PACRG: variants seen among roughly 807,000 people sequenced by gnomAD.
PACRG encodes the protein parkin coregulated gene protein.
In PACRG, 29 loss-of-function variants were observed where a neutral mutation model predicts 29.7. The observed-to-expected ratio is 0.98, with a 90% CI of 0.73 to 1.33. The LOEUF (loss-of-function observed/expected upper bound fraction) is 1.33. PACRG is among the 40% of genes most tolerant of loss of function. The pLI is 0.00. For missense variants in PACRG, 279 were observed against 316.2 expected (o/e 0.88, Z 0.89); for synonymous variants, 116 against 118.7 (o/e 0.98, Z 0.15).
intron 4 of PACRG, among the ~76,000 whole-genome samples, chr6:163,261,254 T>G (rs917489853): frequency 6.6e-6 from 1 of 152,106 alleles, no homozygotes; most frequent in African/African-American, 2.4e-5. Context: ...TTTCTATTTT[T>G]TTAATTTTAC....
Position 162,921,509 on chromosome 6 carries a change from A to G in PACRG, c.291+107228A>G, listed in dbSNP as rs115372296. Among the ~76,000 whole-genome samples, 1,289 of 152,228 alleles carry G rather than the reference A, an allele frequency of 8.5e-3. 29 individuals are homozygous for G. Among genetic ancestry groups the G allele is most frequent in the African/African-American group, 0.029 (1,214 of 41,526 alleles). ...CTCTTCTTGACACTTTTGTTCATCA[A>G]AATTATCCAGGGAACTTTGAAACAT... On this transcript the variant is annotated intron_variant, in intron 2 of 4. Transcript: ENST00000366888.
chr6:162,975,937 G>A (rs1054214796), intron 2 of PACRG, among the ~76,000 whole-genome samples: 2 of 151,982 alleles, frequency 1.3e-5, no homozygotes, highest in Admixed American at 6.6e-5. Flanking sequence ...CTGCCCCCTC[G>A]GAATTTGCAC....
intron 2 of PACRG, among the ~76,000 whole-genome samples, chr6:163,054,395 A>G (rs1810345340): frequency 6.6e-6 from 1 of 152,156 alleles, no homozygotes; most frequent in African/African-American, 2.4e-5. Context: ...GAACTCGAAT[A>G]TGCTGACACC....
chr6:163,119,041 A>C (rs1199057622), intron 4 of PACRG, among the ~76,000 whole-genome samples: 1 of 152,252 alleles, frequency 6.6e-6, no homozygotes, highest in Non-Finnish European at 1.5e-5. Context: ...GACTCTGCTT[A>C]ACCAAAGCCT....
chr6:163,207,366 A>G (rs1780948353), intron 4 of PACRG, among the ~76,000 whole-genome samples: 1 of 152,236 alleles, frequency 6.6e-6, no homozygotes, highest in African/African-American at 2.4e-5. Context: ...TCTGAAAATA[A>G]CAAATGATCA....
chr6:163,175,185 T>A (rs1402455841), intron 4 of PACRG, among the ~76,000 whole-genome samples: 1 of 152,168 alleles, frequency 6.6e-6, no homozygotes, highest in African/African-American at 2.4e-5. Flanking sequence ...TGGACTAGTA[T>A]TTTCTACTGC....
intron 2 of PACRG, among the ~76,000 whole-genome samples, chr6:162,879,603 G>C (rs1476134575): frequency 3.3e-5 from 5 of 152,214 alleles, no homozygotes; most frequent in Non-Finnish European, 5.9e-5. Context: ...TCTAGCAAAG[G>C]TTTTACTCAG....
chr6:163,076,022 T>C (rs1812505689), intron 3 of PACRG, among the ~76,000 whole-genome samples: 1 of 152,200 alleles, frequency 6.6e-6, no homozygotes, highest in African/African-American at 2.4e-5. Flanking sequence ...TCACTATTCA[T>C]TGGCCAGACA....
At chr6:163,045,051 G>C (rs996167483) in intron 2 of PACRG, among the ~76,000 whole-genome samples, 3 of 152,190 alleles carry the variant, frequency 2.0e-5, no homozygotes, top group African/African-American at 7.2e-5. Context: ...GGAGGTAGGC[G>C]TGGAGGGAGC....
chr6:162,804,369 G>A (rs1370415956), intron 1 of PACRG, among the ~76,000 whole-genome samples: 2 of 152,108 alleles, frequency 1.3e-5, no homozygotes, highest in East Asian at 3.9e-4. Flanking sequence ...TAATAATCTA[G>A]GACAGTGACT....
chr6:162,846,630 C>A (rs532594067), intron 2 of PACRG, among the ~76,000 whole-genome samples: 45 of 151,722 alleles, frequency 3.0e-4, no homozygotes, highest in South Asian at 2.1e-4. Context: ...CTTTTTAGAT[C>A]ACCCGTGCCA....
At chr6:163,191,406 G>A (rs113774155) in intron 4 of PACRG, among the ~76,000 whole-genome samples, 222 of 152,002 alleles carry the variant, frequency 1.5e-3, no homozygotes, top group African/African-American at 5.1e-3. Flanking sequence ...CCTTTATGGC[G>A]AGTGGCCCCC....
At chr6:162,921,505 A>G (rs1797062427) in intron 2 of PACRG, among the ~76,000 whole-genome samples, 1 of 152,094 alleles carries the variant, frequency 6.6e-6, no homozygotes, top group South Asian at 2.1e-4. Context: ...ACTTTTGTTC[A>G]TCAAAATTAT....
chr6:163,169,776 C>T (rs1778984800), intron 4 of PACRG, among the ~76,000 whole-genome samples: 1 of 152,116 alleles, frequency 6.6e-6, no homozygotes, highest in East Asian at 1.9e-4. Flanking sequence ...ACTTGGGGAG[C>T]GCCTTCTTCT....
chr6:163,052,544 T>A lies in PACRG; in HGVS notation c.292-9606T>A, dbSNP rs371327129. 2.2e-4 allele frequency among the ~76,000 whole-genome samples: 33 copies of A among 151,960 alleles called. 2 individuals carry two copies. The highest frequency in any genetic ancestry group is 7.7e-4 in the African/African-American group (32 of 41,414). On this transcript the variant is annotated intron_variant, in intron 2 of 4. Coordinates refer to ENST00000366888, the MANE Select transcript of PACRG (RefSeq NM_001080379.2). Reference sequence around the variant, plus strand: ...GTCGAGGGAGGAACCTGGTGGGAGGTGATTGGATCATGGGGGTGGTTTTCC... The same window carrying A: ...GTCGAGGGAGGAACCTGGTGGGAGGAGATTGGATCATGGGGGTGGTTTTCC...
At position 162,874,656 on chromosome 6, in the gene PACRG, G is replaced by T. The variant is rs540947392; in HGVS notation, c.291+60375G>T. On this transcript the variant is annotated intron_variant, in intron 2 of 4. Coordinates refer to ENST00000366888, the MANE Select transcript of PACRG (RefSeq NM_001080379.2). ...CGATTAGATTTTATCACATCAGTGTGGGGGGAGGCCAGTCAGAATCATCCA... is the reference window on the plus strand; with the variant it reads ...CGATTAGATTTTATCACATCAGTGTTGGGGGAGGCCAGTCAGAATCATCCA... Among the ~76,000 whole-genome samples the T allele has an allele frequency of 4.6e-5, 7 of 152,270 alleles. No homozygotes were observed. In the East Asian group the frequency reaches 7.7e-4, roughly 17 times the overall value.
intron 2 of PACRG, among the ~76,000 whole-genome samples, chr6:162,948,229 G>C (rs1257625835): frequency 6.6e-6 from 1 of 152,086 alleles, no homozygotes; most frequent in Non-Finnish European, 1.5e-5. Flanking sequence ...AGAGAATGCA[G>C]AAATAAATCT....
At chr6:163,272,909 T>TTTTTTTTTTTTTTG (rs1783890312) in intron 4 of PACRG, among the ~76,000 whole-genome samples, 1 of 132,382 alleles carries the variant, frequency 7.6e-6, no homozygotes, top group African/African-American at 3.2e-5. Flanking sequence ...TTTTTTTTTT[T>TTTTTTTTTTTTTTG]GAGACGGAGT....
intron 4 of PACRG, among the ~76,000 whole-genome samples, chr6:163,186,944 G>C (rs938612074): frequency 2.0e-5 from 3 of 152,152 alleles, no homozygotes; most frequent in African/African-American, 4.8e-5. Flanking sequence ...CATTTTCCCC[G>C]GGCTCTGCGC....
Sources: allele counts gnomAD v4.1 joint callset (sites outside exome capture counted in the v4.1 genomes callset), GRCh38; gene constraint gnomAD v4.1.1; transcripts MANE v1.5; gene names NCBI Gene and HGNC (gene_info 2026-07-23, HGNC 2026-07-21).